AUTS2: variants seen among roughly 807,000 people sequenced by gnomAD.
AUTS2 encodes the protein autism susceptibility gene 2 protein.
A neutral mutation model predicts 112.4 loss-of-function variants in AUTS2; 17 were observed. That is an observed-to-expected ratio of 0.15 (90% confidence interval 0.10 to 0.23). The LOEUF (loss-of-function observed/expected upper bound fraction) is 0.23. AUTS2 is among the 10% of genes least tolerant of loss of function. The pLI is 1.00. For missense variants in AUTS2, 1,510 were observed against 1,701.6 expected, an observed-to-expected ratio of 0.89 and a Z score of 1.98; for synonymous variants, 751 against 702.7, an observed-to-expected ratio of 1.07 and a Z score of -1.09.
intron 1 of AUTS2, among the ~76,000 whole-genome samples, chr7:69,896,161 C>T (rs1467283835): frequency 1.3e-5 from 2 of 152,086 alleles, no homozygotes; most frequent in African/African-American, 2.4e-5. Flanking sequence ...TGAGCAGATG[C>T]CTGGCATAGC....
At chr7:70,004,353 A>AT (rs1214958363) in intron 2 of AUTS2, among the ~76,000 whole-genome samples, 3 of 133,692 alleles carry the variant, frequency 2.2e-5, no homozygotes, top group Non-Finnish European at 4.7e-5. Flanking sequence ...ATTCATATAT[A>AT]TATTATGTAT....
chr7:70,771,254 C>T lies in AUTS2; in HGVS notation c.1735-295C>T, dbSNP rs145171856. 5.3e-5 allele frequency: 11 copies of T among 207,960 alleles called. No homozygotes were observed. The South Asian group carries it at 7.4e-4, about 14-fold the overall frequency. 12.9% of individuals were successfully genotyped at this position (207,960 alleles called of 1,614,324 possible). ...TTTGAAATGCATTAAAATCTCCAATCATTTAGGACTTCTATCTGATTTAAC... is the reference window on the plus strand; with the variant it reads ...TTTGAAATGCATTAAAATCTCCAATTATTTAGGACTTCTATCTGATTTAAC... On this transcript the variant is annotated intron_variant, in intron 10 of 18. Coordinates refer to ENST00000342771, the MANE Select transcript of AUTS2 (RefSeq NM_015570.4).
intron 4 of AUTS2, among the ~76,000 whole-genome samples, chr7:70,385,770 C>T (rs1425254166): frequency 2.0e-5 from 3 of 152,068 alleles, no homozygotes; most frequent in Non-Finnish European, 4.4e-5. Flanking sequence ...AAAGAGAAGA[C>T]TGTTATGATG....
At chr7:70,289,248 T>C (rs754593419) in intron 4 of AUTS2, among the ~76,000 whole-genome samples, 3 of 152,260 alleles carry the variant, frequency 2.0e-5, no homozygotes, top group Admixed American at 6.5e-5. Flanking sequence ...AATGAGTCAC[T>C]GCACATATGA....
intron 5 of AUTS2, among the ~76,000 whole-genome samples, chr7:70,496,035 T>C (rs1395323328): frequency 2.2e-5 from 2 of 91,844 alleles, no homozygotes; most frequent in African/African-American, 8.5e-5. Context: ...CCCACACACA[T>C]GCACACGTCA....
chr7:70,019,766 T>C (rs1316377985), intron 2 of AUTS2, among the ~76,000 whole-genome samples: 1 of 152,236 alleles, frequency 6.6e-6, no homozygotes. Flanking sequence ...TGAATGTTCA[T>C]TGGATATTAT....
intron 2 of AUTS2, among the ~76,000 whole-genome samples, chr7:70,096,462 G>A (rs1186341800): frequency 6.6e-6 from 1 of 151,782 alleles, no homozygotes; most frequent in Non-Finnish European, 1.5e-5. Context: ...GCTGGGCATG[G>A]TGGCGGGCGC....
chr7:69,988,940 T>C (rs1798625814), intron 2 of AUTS2, among the ~76,000 whole-genome samples: 1 of 152,036 alleles, frequency 6.6e-6, no homozygotes, highest in South Asian at 2.1e-4. Context: ...TGCTACTAAG[T>C]TGAAGAAAAG....
intron 5 of AUTS2, among the ~76,000 whole-genome samples, chr7:70,672,050 G>A (rs1427135726): frequency 4.6e-5 from 7 of 152,236 alleles, no homozygotes; most frequent in South Asian, 2.1e-4. Flanking sequence ...GTTAGGGAGG[G>A]TGATGGCCTA....
intron 1 of AUTS2, among the ~76,000 whole-genome samples, chr7:69,629,035 G>A (rs1794099787): frequency 6.6e-6 from 1 of 152,154 alleles, no homozygotes; most frequent in African/African-American, 2.4e-5. Flanking sequence ...CAGCTGCTAC[G>A]TGCATTTTGG....
intron 6 of AUTS2, among the ~76,000 whole-genome samples, chr7:70,713,813 A>G (rs1301472125): frequency 4.6e-5 from 7 of 151,938 alleles, no homozygotes; most frequent in Non-Finnish European, 7.4e-5. Flanking sequence ...GGAGAATGGC[A>G]TGAACCCGGG....
chr7:69,819,923 A>G (rs986152363), intron 1 of AUTS2, among the ~76,000 whole-genome samples: 2 of 152,164 alleles, frequency 1.3e-5, no homozygotes, highest in African/African-American at 2.4e-5. Flanking sequence ...TTATAACTCA[A>G]CTAGCTTCAT....
chr7:70,785,847 G>A lies in AUTS2; in HGVS notation c.2225-108G>A, dbSNP rs747131275. 5.1e-6 allele frequency: 5 copies of A among 980,692 alleles called. No homozygotes were observed. In the African/African-American group the frequency reaches 6.5e-5, roughly 13 times the overall value. The allele number at this position is 980,692 out of a possible 1,614,324, so 60.7% of individuals were successfully genotyped here. On this transcript the variant is annotated intron_variant, in intron 16 of 18. Coordinates refer to ENST00000342771, the MANE Select transcript of AUTS2 (RefSeq NM_015570.4). ...TAGGAAAAGTGGGACAGGCCAGGTG[G>A]GGGCGTAGAGAGGGCAGGGATCCCG...
At chr7:69,754,203 C>T (rs1787855877) in intron 1 of AUTS2, among the ~76,000 whole-genome samples, 1 of 152,160 alleles carries the variant, frequency 6.6e-6, no homozygotes, top group African/African-American at 2.4e-5. Flanking sequence ...CAGGCCCCAA[C>T]ACTGTGTGGG....
intron 4 of AUTS2, among the ~76,000 whole-genome samples, chr7:70,171,447 C>A (rs1808682357): frequency 6.6e-6 from 1 of 152,124 alleles, no homozygotes; most frequent in Non-Finnish European, 1.5e-5. Context: ...GCCTCCTTTT[C>A]ATTAGTATTT....
chr7:70,776,304 G>A (rs2129559032), intron 13 of AUTS2, among the ~76,000 whole-genome samples: 1 of 152,288 alleles, frequency 6.6e-6, no homozygotes, highest in African/African-American at 2.4e-5. Flanking sequence ...TAGCAGAAAT[G>A]AAGTGAAAAG....
intron 1 of AUTS2, among the ~76,000 whole-genome samples, chr7:69,745,208 G>A (rs747797752): frequency 3.9e-5 from 6 of 152,200 alleles, no homozygotes; most frequent in Non-Finnish European, 7.3e-5. Context: ...TACAACTGGT[G>A]AGAATAGTAA....
At chr7:69,825,919 C>T (rs889375391) in intron 1 of AUTS2, 1 of 152,230 alleles carries the variant, frequency 6.6e-6, no homozygotes, top group African/African-American at 2.4e-5. Flanking sequence ...CCTCTTTAAG[C>T]ATCTAGTCCT....
intron 5 of AUTS2, among the ~76,000 whole-genome samples, chr7:70,593,675 A>G (rs1482588939): frequency 6.6e-6 from 1 of 152,268 alleles, no homozygotes; most frequent in Admixed American, 6.5e-5. Context: ...CCAAAAACAC[A>G]AAGTGCTGTT....
Sources: gnomAD v4.1 joint callset for allele counts (sites outside exome capture counted in the v4.1 genomes callset) on GRCh38, gnomAD v4.1.1 for gene constraint, MANE v1.5 for transcripts, NCBI Gene and HGNC (gene_info 2026-07-23, HGNC 2026-07-21) for gene names.